THRAP3: variants seen among roughly 807,000 people sequenced by gnomAD.
THRAP3 encodes thyroid hormone receptor associated protein 3.
THRAP3 carries 16 observed loss-of-function variants against 101.0 expected under a neutral mutation model. The observed-to-expected ratio is 0.16, with a 90% CI of 0.11 to 0.24. The LOEUF (loss-of-function observed/expected upper bound fraction) is 0.24, where lower values mean the gene tolerates loss of function less well. THRAP3 is among the 10% of genes least tolerant of loss of function. THRAP3 has a pLI of 1.00. For missense variants in THRAP3, 989 were observed against 1,202.7 expected, an observed-to-expected ratio of 0.82 and a Z score of 2.63; for synonymous variants, 407 against 422.6, an observed-to-expected ratio of 0.96 and a Z score of 0.45.
At chr1:36,292,028 G>A (rs1334959308) in intron 6 of THRAP3, among the ~76,000 whole-genome samples, 1 of 152,048 alleles carries the variant, frequency 6.6e-6, no homozygotes, top group Non-Finnish European at 1.5e-5. Flanking sequence ...AAGAGTTGGT[G>A]CTGTGCTTCT....
chr1:36,224,071 G>C (rs751918921), upstream of THRAP3, among the ~76,000 whole-genome samples: 123 of 152,226 alleles, frequency 8.1e-4, no homozygotes, highest in Non-Finnish European at 4.7e-4. Flanking sequence ...CTTCCAACTC[G>C]GAAGCTTTTC....
At chr1:36,275,665 C>G (rs957945126) in intron 2 of THRAP3, among the ~76,000 whole-genome samples, 6 of 148,972 alleles carry the variant, frequency 4.0e-5, no homozygotes, top group Non-Finnish European at 8.9e-5. Flanking sequence ...GGCTGGAGTG[C>G]AACAGCATGA....
At chr1:36,282,396 A>ATTTTT in intron 2 of THRAP3, 137 bp from the exon 3 acceptor site, 1 of 500,250 alleles carries the variant, frequency 2.0e-6, no homozygotes, top group Non-Finnish European at 3.4e-6. Flanking sequence ...TTAAAAAAAA[A>ATTTTT]TTTTTTTTTT....
intron 5 of THRAP3, among the ~76,000 whole-genome samples, chr1:36,290,508 C>G (rs918259370): frequency 6.6e-6 from 1 of 152,054 alleles, no homozygotes; most frequent in African/African-American, 2.4e-5. Context: ...CTCTGTCACC[C>G]AGGCTGGCGT....
chr1:36,274,249 G>A (rs1423541658), intron 2 of THRAP3, among the ~76,000 whole-genome samples: 3 of 152,126 alleles, frequency 2.0e-5, no homozygotes, highest in East Asian at 1.9e-4. Context: ...ACAAAGGCCA[G>A]TGTAAAACTT....
At chr1:36,225,984 T>G (rs935372399) in intron 1 of THRAP3, among the ~76,000 whole-genome samples, 3 of 152,194 alleles carry the variant, frequency 2.0e-5, no homozygotes, top group Non-Finnish European at 4.4e-5. Context: ...CAGAGAAAGA[T>G]CTCCAATTTT....
At position 36,275,602 on chromosome 1, in the gene THRAP3, A is replaced by AGG. The variant is rs1553122396; in HGVS notation, c.-31-6931_-31-6930insGG. On this transcript the variant is annotated intron_variant, in intron 2 of 11. Transcript: ENST00000354618. The stretch of plus-strand genomic sequence containing the variant: ...ACTCTGTCTCAAAAAAAAAAAAAAA[A>AGG]AAGTCTTCTTTTTTTTTTTTCTTTT... Among the ~76,000 whole-genome samples, 110 of 126,984 alleles carry AGG rather than the reference A, an allele frequency of 8.7e-4. 1 individual carries two copies. Among genetic ancestry groups the AGG allele is most frequent in the African/African-American group, 3.1e-3 (104 of 33,604 alleles). The allele number at this position is 126,984 out of a possible 152,430, so 83.3% of individuals were successfully genotyped here. A position where few individuals can be genotyped will look rare whatever the true frequency, so the allele number is the denominator to read the frequency against.
chr1:36,259,626 C>G (rs114221914), intron 2 of THRAP3, 142 bp downstream of exon 2: 13 of 380,744 alleles, frequency 3.4e-5, no homozygotes, highest in African/African-American at 2.5e-4. Context: ...TTTAACCAGG[C>G]CTGGTGATAC....
chr1:36,297,409 A>G (rs535354660), intron 9 of THRAP3, among the ~76,000 whole-genome samples: 1 of 151,020 alleles, frequency 6.6e-6, no homozygotes, highest in Non-Finnish European at 1.5e-5. Context: ...GTAAGAAGCA[A>G]CACTTCTGCT....
At chr1:36,250,116 AGACTC>A (rs1645281044) in intron 1 of THRAP3, among the ~76,000 whole-genome samples, 1 of 152,160 alleles carries the variant, frequency 6.6e-6, no homozygotes. Flanking sequence ...TACATAAGGT[AGACTC>A]TGGATATATT....
chr1:36,232,193 G>A (rs958991071), intron 1 of THRAP3, among the ~76,000 whole-genome samples: 2 of 152,278 alleles, frequency 1.3e-5, no homozygotes, highest in East Asian at 3.9e-4. Context: ...TCCAGCCTGG[G>A]CAACAGAGGA....
chr1:36,258,752 T>G (rs1257587551), intron 1 of THRAP3, among the ~76,000 whole-genome samples: 3 of 152,258 alleles, frequency 2.0e-5, no homozygotes, highest in Admixed American at 6.5e-5. Flanking sequence ...GTGCTGGGAT[T>G]ATAGGCGTGA....
At chr1:36,249,685 AGTGTGTGT>A (rs66759336) in intron 1 of THRAP3, among the ~76,000 whole-genome samples, 26 of 138,212 alleles carry the variant, frequency 1.9e-4, no homozygotes, top group South Asian at 4.9e-4. Context: ...GCAGGTGGTG[AGTGTGTGT>A]GTGTGTGTGT....
upstream of THRAP3, among the ~76,000 whole-genome samples, chr1:36,222,610 G>A (rs1026523242): frequency 6.6e-6 from 1 of 152,002 alleles, no homozygotes; most frequent in African/African-American, 2.4e-5. Context: ...GTTTCGCCAT[G>A]TTGGCTGGGC....
chr1:36,264,223 T>C (rs1157550686), intron 2 of THRAP3, among the ~76,000 whole-genome samples: 1 of 152,316 alleles, frequency 6.6e-6, no homozygotes, highest in African/African-American at 2.4e-5. Context: ...AGTTATGAAA[T>C]CTGTTTACTC....
chr1:36,248,366 C>G (rs147164590), intron 1 of THRAP3, among the ~76,000 whole-genome samples: 1 of 151,558 alleles, frequency 6.6e-6, no homozygotes, highest in South Asian at 2.1e-4. Context: ...GTCTCGAACT[C>G]CTAGCCTCAA....
chr1:36,213,285 G>A, the THRAP3 span, among the ~76,000 whole-genome samples: 1 of 152,082 alleles, frequency 6.6e-6, no homozygotes, highest in Non-Finnish European at 1.5e-5. Context: ...CCTTTTGTAG[G>A]ATGCCTCTCT....
At chr1:36,212,418 C>CTTTTTTTTTTTTTTTT in the THRAP3 span, among the ~76,000 whole-genome samples, 3 of 122,048 alleles carry the variant, frequency 2.5e-5, no homozygotes, top group African/African-American at 6.7e-5. Context: ...TTCTTTCTTT[C>CTTTTTTTTTTTTTTTT]TTTTTTTTTT....
chr1:36,250,772 G>T (rs1057344550), intron 1 of THRAP3, among the ~76,000 whole-genome samples: 10 of 151,608 alleles, frequency 6.6e-5, no homozygotes, highest in Non-Finnish European at 1.0e-4. Flanking sequence ...AATTAGTTGG[G>T]CGTGGTGGTG....
Sources: allele counts gnomAD v4.1 joint callset (sites outside exome capture counted in the v4.1 genomes callset), GRCh38; gene constraint gnomAD v4.1.1; transcripts MANE v1.5; gene names NCBI Gene and HGNC (gene_info 2026-07-23, HGNC 2026-07-21).